Variants in MGA observed in about 807,000 individuals in gnomAD.
The protein encoded by MGA is MAX dimerization protein MGA.
Under a neutral mutation model 261.1 loss-of-function variants are expected in MGA, and 40 were observed. The ratio of observed to expected loss-of-function variants is 0.15; its 90% confidence interval spans 0.12 to 0.20. The LOEUF is 0.20. Among genes scored for constraint, MGA ranks in the 10% least tolerant of loss-of-function variants. The probability of loss-of-function intolerance (pLI) is 1.00; values close to 1 mark genes in which losing one functional copy is unlikely to be tolerated. For synonymous variants in MGA, 1,302 were observed against 1,290.6 expected (o/e 1.01, Z -0.19); for missense variants, 3,397 against 3,630.5 (o/e 0.94, Z 1.65).
rs548777775 is a variant in MGA at position 41,696,119 on chromosome 15, C to T, written c.1109C>T (p.Pro370Leu). The T allele has an allele frequency of 3.1e-6, 5 of 1,613,714 alleles. No homozygotes were observed. Among genetic ancestry groups the T allele is most frequent in the East Asian group, 2.2e-5 (1 of 44,876 alleles). ...GAAGATGACTCCCGTGTAGCCTCAC[C>T]GTTAGACCAGAACGGAAGCTTCAAT... Residue 370 changes from proline (P) to leucine (L), a missense_variant, in exon 3 of 24, where the codon CCG (proline) becomes CTG (leucine). Pro to Leu is a moderately conservative substitution (Grantham distance 98). Around this residue, in one of 9 missense-constraint regions of MGA, gnomAD observed 563 missense variants for 563.6 expected, o/e 1.00. Transcript: ENST00000219905.
At chr15:41,723,365 T>TA (rs932043272) in intron 9 of MGA, among the ~76,000 whole-genome samples, 1 of 152,196 alleles carries the variant, frequency 6.6e-6, no homozygotes, top group Non-Finnish European at 1.5e-5. Flanking sequence ...TCAATTCTAC[T>TA]AGTCTCTGCC....
At position 41,711,242 on chromosome 15, in the gene MGA, G is replaced by T; in HGVS notation, c.2977G>T (p.Val993Leu). The T allele has an allele frequency of 6.2e-7, 1 of 1,614,010 alleles. No individual in the cohort carries two copies. The change falls in exon 8 of 24, where the codon GTG becomes TTG. Residue 993 changes from valine to leucine, a missense_variant. Val to Leu is a conservative substitution (Grantham distance 32). Around this residue, in one of 9 missense-constraint regions of MGA, gnomAD observed 519 missense variants for 554.1 expected, o/e 0.94. Transcript: ENST00000219905. ...CCCTCCAGGCTTGTCTAAATCTCAG[G>T]TGAAGCTAATGGACCTGGAAGACTG...
chr15:41,708,170 G>A lies in MGA; in HGVS notation c.2387G>A (p.Arg796Lys), dbSNP rs753296796. The change falls in exon 7 of 24, where the codon AGG becomes AAG. Residue 796 changes from arginine (R) to lysine (K), a missense_variant. By Grantham distance (26) the Arg-to-Lys change is conservative. Around this residue, in one of 9 missense-constraint regions of MGA, gnomAD observed 519 missense variants for 554.1 expected, o/e 0.94. Coordinates refer to ENST00000219905, the MANE Select transcript of MGA (RefSeq NM_001164273.2). ...GATTTCACTAAGATCAAGGGATGGAGGGGAAAATTTCATAGTGCTTCTGCA... is the reference window on the plus strand; with the variant it reads ...GATTTCACTAAGATCAAGGGATGGAAGGGAAAATTTCATAGTGCTTCTGCA... 6.2e-7 allele frequency: 1 copy of A among 1,601,382 alleles called. No individual in the cohort carries two copies. The highest frequency in any genetic ancestry group is 1.1e-5 in the South Asian group (1 of 88,330).
rs1042839899 is a variant in MGA, at chr15:41,769,067, A to G, written c.*1787A>G. 6.6e-6 allele frequency: 1 copy of G among 152,634 alleles called. No homozygotes were observed. Among genetic ancestry groups the G allele is most frequent in the African/African-American group, 2.4e-5 (1 of 41,448 alleles). The allele number at this position is 152,634 out of a possible 1,614,324, so 9.5% of individuals were successfully genotyped here. A position where few individuals can be genotyped will look rare whatever the true frequency, so the allele number is the denominator to read the frequency against. ...CTCTTTACCCAGCAGATTTCATTCA[A>G]TGCCTTAGCCAAGGAGTCCAGCACC... is the stretch of plus-strand genomic sequence containing the variant. On this transcript the variant is annotated 3_prime_UTR_variant, in exon 24 of 24. Transcript: ENST00000219905.
chr15:41,695,685 A>G (rs959421578), intron 2 of MGA, among the ~76,000 whole-genome samples: 5 of 152,214 alleles, frequency 3.3e-5, no homozygotes, highest in Non-Finnish European at 1.5e-5. Context: ...TTTATATTGA[A>G]AGTGAGTTTT....
chr15:41,673,119 ATTC>A (rs1473955259), intron 2 of MGA, among the ~76,000 whole-genome samples: 2 of 152,042 alleles, frequency 1.3e-5, no homozygotes, highest in Non-Finnish European at 2.9e-5. Flanking sequence ...TCTTTCAGTT[ATTC>A]TTACTGACTC....
At chr15:41,758,898 C>T (rs2063294995) in intron 19 of MGA, among the ~76,000 whole-genome samples, 1 of 152,088 alleles carries the variant, frequency 6.6e-6, no homozygotes, top group Non-Finnish European at 1.5e-5. Flanking sequence ...AAATATTATT[C>T]ACTTTGTATG....
intron 15 of MGA, among the ~76,000 whole-genome samples, chr15:41,743,611 C>T (rs1363561629): frequency 1.3e-5 from 2 of 152,138 alleles, no homozygotes; most frequent in African/African-American, 4.8e-5. Context: ...GACCTGTGTG[C>T]TGAGAGCTAG....
Position 41,757,941 on chromosome 15 carries a change from C to G in MGA, c.7191+102C>G, listed in dbSNP as rs1006062754. ...AGCTATATTAGCCACGATTTTTTCT[C>G]AGGGCTATTTTTGCCAGTGAGTTAA... On this transcript the variant is annotated intron_variant, in intron 19 of 23. Coordinates refer to ENST00000219905, the MANE Select transcript of MGA (RefSeq NM_001164273.2). 6.2e-6 allele frequency: 6 copies of G among 967,320 alleles called. No homozygotes were observed. The African/African-American group carries it at 9.7e-5, about 16-fold the overall frequency. The allele number at this position is 967,320 out of a possible 1,614,324, so 59.9% of individuals were successfully genotyped here.
chr15:41,761,888 T>G (rs1423161511), intron 21 of MGA, 38 bp downstream of exon 21: 2 of 1,389,154 alleles, frequency 1.4e-6, no homozygotes, highest in African/African-American at 1.5e-5. Context: ...AGAGCATAAT[T>G]ATAGCTTTAT....
intron 13 of MGA, among the ~76,000 whole-genome samples, chr15:41,738,997 C>A (rs1462273345): frequency 6.6e-6 from 1 of 152,148 alleles, no homozygotes; most frequent in African/African-American, 2.4e-5. Context: ...CTACCTCACT[C>A]CATCTCCCCC....
chr15:41,754,444 G>C lies in MGA; in HGVS notation c.7016G>C (p.Cys2339Ser), dbSNP rs1452559123. ...TATAATGATGTATTTCAGAATAACT[G>C]TGTAGAATACATTGAGGATGATGAG... is the stretch of plus-strand genomic sequence containing the variant. The change falls in exon 18 of 24, where the codon TGT (cysteine) becomes TCT (serine). Residue 2339 changes from cysteine (C) to serine (S), a missense_variant. Cys to Ser is a moderately radical substitution (Grantham distance 112). Coordinates refer to ENST00000219905, the MANE Select transcript of MGA (RefSeq NM_001164273.2). 1.3e-6 allele frequency: 2 copies of C among 1,547,882 alleles called. No individual in the cohort carries two copies. The highest frequency in any genetic ancestry group is 2.7e-5 in the African/African-American group (2 of 72,886).
At chr15:41,667,642 A>G (rs935847528) in intron 1 of MGA, among the ~76,000 whole-genome samples, 1 of 152,134 alleles carries the variant, frequency 6.6e-6, no homozygotes, top group Non-Finnish European at 1.5e-5. Flanking sequence ...GGCCTCCCAA[A>G]GTGCTGGGAT....
rs747008860 is a variant in MGA, at chr15:41,740,108, C to T, written c.4490C>T (p.Ser1497Leu). Reference sequence around the variant, plus strand: ...AGGAAACCACGTACCCTGTTGCCTTCAACATCCAATTCCAAAATGGCATCC... The same window carrying T: ...AGGAAACCACGTACCCTGTTGCCTTTAACATCCAATTCCAAAATGGCATCC... Residue 1497 changes from serine (S) to leucine (L), a missense_variant, in exon 14 of 24, where the codon TCA (serine) becomes TTA (leucine). Transcript: ENST00000219905. 1.9e-6 allele frequency: 3 copies of T among 1,614,018 alleles called. No individual in the cohort carries two copies. In the South Asian group the frequency reaches 3.3e-5, roughly 18 times the overall value.
chr15:41,727,237 T>TAGATCC lies in MGA; in HGVS notation c.3491_3492insTCCAGA (p.Val1163_Glu1164insAspPro). ...CGACATTACCCATTATGGGTAAAAG[T>TAGATCC]AGAAGGTGAAGTAGATCCAGAACCA... On this transcript the variant is annotated inframe_insertion, in exon 10 of 24. Coordinates refer to ENST00000219905, the MANE Select transcript of MGA (RefSeq NM_001164273.2). The TAGATCC allele has an allele frequency of 6.2e-7, 1 of 1,613,866 alleles. No individual in the cohort carries two copies. The highest frequency in any genetic ancestry group is 8.5e-7 in the Non-Finnish European group (1 of 1,179,872).
chr15:41,740,717 G>T (rs2062042896), intron 14 of MGA, among the ~76,000 whole-genome samples: 1 of 152,150 alleles, frequency 6.6e-6, no homozygotes, highest in African/African-American at 2.4e-5. Context: ...TTAAACTTAT[G>T]AAACCAAGGA....
At chr15:41,765,932 A>G in intron 23 of MGA, 72 bp from the exon 24 acceptor site, 1 of 1,242,576 alleles carries the variant, frequency 8.0e-7, no homozygotes, top group Non-Finnish European at 1.1e-6. Context: ...GTTATATGAT[A>G]TGACAGAGAG....
At chr15:41,660,199 C>T (rs1026583581), upstream of MGA, among the ~76,000 whole-genome samples, 1 of 152,220 alleles carries the variant, frequency 6.6e-6, no homozygotes, top group Non-Finnish European at 1.5e-5. Context: ...GGTTCTAGAA[C>T]CTTCAGTAGG....
intron 2 of MGA, among the ~76,000 whole-genome samples, chr15:41,680,343 C>T (rs1446946174): frequency 6.6e-6 from 1 of 152,114 alleles, no homozygotes; most frequent in Non-Finnish European, 1.5e-5. Flanking sequence ...TTCAGAGGTA[C>T]ACAGTTGCCT....
Sources: gnomAD v4.1 joint callset for allele counts (sites outside exome capture counted in the v4.1 genomes callset) on GRCh38, gnomAD v4.1.1 for gene constraint, gnomAD v4.1.1 regional missense constraint, MANE v1.5 for transcripts, NCBI Gene and HGNC (gene_info 2026-07-23, HGNC 2026-07-21) for gene names.